The following RABGAP1 variants were observed in gnomAD, a reference collection of about 807,000 sequenced individuals.
RABGAP1 encodes the protein RAB GTPase activating protein 1.
A neutral mutation model predicts 137.6 loss-of-function variants in RABGAP1; 23 were observed. That is an observed-to-expected ratio of 0.17 (90% CI 0.12 to 0.24). The LOEUF is 0.24. Ranked by LOEUF, RABGAP1 falls within the 10% of genes least tolerant of loss-of-function variation. The pLI, the probability that RABGAP1 is intolerant of heterozygous loss-of-function variation, is 1.00. For synonymous variants in RABGAP1, 451 were observed against 450.7 expected, an observed-to-expected ratio of 1.00 and a Z score of -0.01; for missense variants, 906 against 1,275.8, an observed-to-expected ratio of 0.71 and a Z score of 4.42.
the RABGAP1 span, among the ~76,000 whole-genome samples, chr9:122,931,692 C>T: frequency 6.6e-6 from 1 of 152,236 alleles, no homozygotes; most frequent in African/African-American, 2.4e-5. Flanking sequence ...GCACCGTACT[C>T]TGGGCACTAG....
At chr9:123,013,111 CA>C (rs2030948350) in intron 11 of RABGAP1, among the ~76,000 whole-genome samples, 1 of 152,058 alleles carries the variant, frequency 6.6e-6, no homozygotes, top group Admixed American at 6.5e-5. Flanking sequence ...TGAAAGTATC[CA>C]AAATGTGAAA....
chr9:122,992,992 ATC>A (rs1836819400), intron 6 of RABGAP1, among the ~76,000 whole-genome samples: 1 of 151,686 alleles, frequency 6.6e-6, no homozygotes, highest in South Asian at 2.1e-4. Context: ...ATGGAAATTT[ATC>A]TGCAGAAATA....
At chr9:122,941,686 G>A (rs1163160313) in intron 1 of RABGAP1, among the ~76,000 whole-genome samples, 1 of 152,218 alleles carries the variant, frequency 6.6e-6, no homozygotes, top group Non-Finnish European at 1.5e-5. Flanking sequence ...TCTCCTTGAA[G>A]CAGCTACCCC....
chr9:123,088,675 T>C (rs746203647), intron 19 of RABGAP1, among the ~76,000 whole-genome samples: 3 of 151,964 alleles, frequency 2.0e-5, no homozygotes, highest in Admixed American at 6.6e-5. Context: ...GTGATAGAGA[T>C]CCTGTCTCAA....
At chr9:123,096,460 GA>G (rs1332079143) in intron 21 of RABGAP1, among the ~76,000 whole-genome samples, 1 of 152,242 alleles carries the variant, frequency 6.6e-6, no homozygotes, top group African/African-American at 2.4e-5. Flanking sequence ...GACAAAGAGG[GA>G]CATTTCCTAA....
upstream of RABGAP1, chr9:122,937,510 T>C (rs920290521): frequency 1.3e-5 from 2 of 152,188 alleles, no homozygotes; most frequent in Non-Finnish European, 1.5e-5. Context: ...GGGAGGAGAA[T>C]TGCTTGAACC....
intron 13 of RABGAP1, chr9:123,035,633 G>A (rs2032600446): frequency 1.4e-6 from 2 of 1,403,568 alleles, no homozygotes; most frequent in Non-Finnish European, 1.9e-6. Flanking sequence ...TCAGTTACGG[G>A]GTTCCCGTGT....
intron 22 of RABGAP1, among the ~76,000 whole-genome samples, chr9:123,098,235 GAC>G (rs1222561176): frequency 6.6e-6 from 1 of 152,254 alleles, no homozygotes; most frequent in Admixed American, 6.5e-5. Context: ...AGTCATTGGA[GAC>G]ACAGACCTGC....
chr9:122,944,150 A>G (rs1340252732), intron 1 of RABGAP1, among the ~76,000 whole-genome samples: 3 of 152,176 alleles, frequency 2.0e-5, no homozygotes, highest in Non-Finnish European at 4.4e-5. Context: ...TAGGCTGCCC[A>G]TAATGTTATC....
At chr9:123,087,638 C>A (rs2034908793) in intron 19 of RABGAP1, among the ~76,000 whole-genome samples, 1 of 152,312 alleles carries the variant, frequency 6.6e-6, no homozygotes, top group Admixed American at 6.5e-5. Flanking sequence ...TGTGGCCTCA[C>A]CCCAGGTGTT....
intron 2 of RABGAP1, among the ~76,000 whole-genome samples, chr9:122,976,149 T>C (rs1835750219): frequency 6.6e-6 from 1 of 152,216 alleles, no homozygotes; most frequent in African/African-American, 2.4e-5. Context: ...TCTCCATCCC[T>C]GCAAACGTTT....
chr9:123,015,645 T>G lies in RABGAP1; in HGVS notation c.1643+9T>G. On this transcript the variant is annotated intron_variant, in intron 12 of 25. Transcript: ENST00000373647. ...GAACTGTTGTCAAAATGGTAAGTTA[T>G]GATAGAATAGTTTTTTTTATCTGCA... 6.3e-7 allele frequency: 1 copy of G among 1,585,588 alleles called. No homozygotes were observed. The highest frequency in any genetic ancestry group is 8.6e-7 in the Non-Finnish European group (1 of 1,157,056).
the RABGAP1 span, among the ~76,000 whole-genome samples, chr9:122,934,369 C>A: frequency 3.3e-5 from 5 of 152,176 alleles, no homozygotes; most frequent in Admixed American, 6.5e-5. Flanking sequence ...TGAGCCACCA[C>A]GCCCGGCCTC....
At chr9:122,949,957 A>G (rs1354214133) in intron 1 of RABGAP1, among the ~76,000 whole-genome samples, 1 of 152,210 alleles carries the variant, frequency 6.6e-6, no homozygotes, top group Non-Finnish European at 1.5e-5. Flanking sequence ...ATTAAAATGC[A>G]TGACATATTT....
chr9:122,977,754 G>A (rs960311752), intron 2 of RABGAP1, among the ~76,000 whole-genome samples: 3 of 152,058 alleles, frequency 2.0e-5, no homozygotes, highest in Non-Finnish European at 4.4e-5. Context: ...TTAAGTTTTG[G>A]ACAGAATAAG....
intron 6 of RABGAP1, 101 bp downstream of exon 6, chr9:122,990,314 G>C: frequency 9.4e-7 from 1 of 1,063,598 alleles, no homozygotes. Flanking sequence ...GCTTTTAAAG[G>C]GAGGGCTTTT....
intron 2 of RABGAP1, among the ~76,000 whole-genome samples, chr9:122,980,654 C>G (rs1397952590): frequency 1.3e-5 from 2 of 152,334 alleles, no homozygotes; most frequent in Non-Finnish European, 2.9e-5. Context: ...AAGCAGTCAA[C>G]TTTCCTAGCC....
At chr9:122,931,737 G>A in the RABGAP1 span, among the ~76,000 whole-genome samples, 2 of 152,218 alleles carry the variant, frequency 1.3e-5, no homozygotes, top group South Asian at 4.1e-4. Context: ...GCCTTAGCTC[G>A]TAAGCGTCTG....
chr9:122,969,251 A>T (rs963099904), intron 2 of RABGAP1, among the ~76,000 whole-genome samples: 2 of 152,232 alleles, frequency 1.3e-5, no homozygotes, highest in African/African-American at 4.8e-5. Context: ...GCTATACCAT[A>T]CAGCCTAGTT....
Sources: gnomAD v4.1 joint callset for allele counts (sites outside exome capture counted in the v4.1 genomes callset) on GRCh38, gnomAD v4.1.1 for gene constraint, MANE v1.5 for transcripts, NCBI Gene and HGNC (gene_info 2026-07-23, HGNC 2026-07-21) for gene names.